RALGAPA1: variants seen among roughly 807,000 people sequenced by gnomAD.
RALGAPA1 encodes Ral GTPase activating protein catalytic subunit alpha 1.
In RALGAPA1, 52 loss-of-function variants were observed where a neutral mutation model predicts 269.6. The observed-to-expected ratio is 0.19, with a 90% CI of 0.15 to 0.24. RALGAPA1 has a LOEUF of 0.24. Ranked by LOEUF, RALGAPA1 falls within the 10% of genes least tolerant of loss-of-function variation. The probability of loss-of-function intolerance (pLI) is 1.00; values close to 1 mark genes in which losing one functional copy is unlikely to be tolerated. For missense variants in RALGAPA1, 1,917 were observed against 3,013.9 expected (o/e 0.64, Z 8.52); for synonymous variants, 817 against 1,008.3 (o/e 0.81, Z 3.60).
chr14:35,682,926 C>G (rs181685766), intron 21 of RALGAPA1, among the ~76,000 whole-genome samples: 159 of 152,260 alleles, frequency 1.0e-3, no homozygotes, highest in African/African-American at 3.6e-3. Context: ...GAATGGATTT[C>G]TAACTTTTAG....
chr14:35,727,970 G>A (rs1487257837), intron 13 of RALGAPA1, among the ~76,000 whole-genome samples: 3 of 152,114 alleles, frequency 2.0e-5, no homozygotes, highest in Non-Finnish European at 2.9e-5. Flanking sequence ...AGGGCCTGAC[G>A]GTATACAGCT....
chr14:35,762,726 G>A lies in RALGAPA1; in HGVS notation c.353C>T (p.Thr118Ile), dbSNP rs1481432502. The change falls in exon 5 of 42, where the codon ACA (threonine) becomes ATA (isoleucine). Residue 118 changes from threonine (T) to isoleucine (I), a missense_variant. Physicochemically the swap from Thr to Ile is moderately conservative, Grantham distance 89. Coordinates refer to ENST00000680220, the MANE Select transcript of RALGAPA1 (RefSeq NM_001346249.2). ...IGLILKKLLHTGNSLKIRREG... is the reference protein window; with the variant it reads ...IGLILKKLLHIGNSLKIRREG... ...TAGTTGTACCTTTAAGGAGTTTCCT[G>A]TGTGAAGTAGCTTCTTTAAAATCAA... 3 of 1,517,974 alleles carry A rather than the reference G, an allele frequency of 2.0e-6. No homozygotes were observed. Among genetic ancestry groups the A allele is most frequent in the Non-Finnish European group, 2.7e-6 (3 of 1,092,834 alleles). 94.0% of individuals were successfully genotyped at this position (1,517,974 alleles called of 1,614,324 possible).
intron 13 of RALGAPA1, 149 bp downstream of exon 13, chr14:35,728,213 C>G: frequency 1.3e-6 from 1 of 762,636 alleles, no homozygotes. Flanking sequence ...GGAACTATTG[C>G]CACTATGATT....
At chr14:35,702,899 CAGGCTAATTTT>C (rs2067487839) in intron 16 of RALGAPA1, among the ~76,000 whole-genome samples, 2 of 151,760 alleles carry the variant, frequency 1.3e-5, no homozygotes, top group African/African-American at 4.8e-5. Flanking sequence ...GCTACCACGC[CAGGCTAATTTT>C]TGTATTTTTA....
At chr14:35,595,236 C>T (rs902963887) in intron 37 of RALGAPA1, among the ~76,000 whole-genome samples, 5 of 151,712 alleles carry the variant, frequency 3.3e-5, no homozygotes, top group African/African-American at 1.2e-4. Context: ...ATTTAACGCA[C>T]AATAAAAATT....
chr14:35,591,869 T>TG (rs1483140106), intron 37 of RALGAPA1, among the ~76,000 whole-genome samples: 1 of 152,206 alleles, frequency 6.6e-6, no homozygotes, highest in Non-Finnish European at 1.5e-5. Flanking sequence ...TCACCTGTAC[T>TG]GTTCTTGTGA....
chr14:35,611,538 C>T (rs970157044), intron 35 of RALGAPA1, among the ~76,000 whole-genome samples: 15 of 151,120 alleles, frequency 9.9e-5, no homozygotes, highest in Admixed American at 8.6e-4. Context: ...AAACACCCAG[C>T]CTGGGCAACA....
chr14:35,699,211 AGCACAGTAT>A (rs2067139882), intron 17 of RALGAPA1, among the ~76,000 whole-genome samples: 1 of 152,228 alleles, frequency 6.6e-6, no homozygotes, highest in Admixed American at 6.5e-5. Context: ...TCTTTGAGCT[AGCACAGTAT>A]GCACAATCAT....
chr14:35,708,729 C>G (rs2068028539), intron 16 of RALGAPA1, among the ~76,000 whole-genome samples: 1 of 152,306 alleles, frequency 6.6e-6, no homozygotes, highest in South Asian at 2.1e-4. Context: ...ACCAATCCAG[C>G]AATCCCACTC....
intron 31 of RALGAPA1, among the ~76,000 whole-genome samples, chr14:35,645,534 T>A (rs1283250728): frequency 6.6e-6 from 1 of 151,834 alleles, no homozygotes; most frequent in East Asian, 1.9e-4. Context: ...ATCGAGACCA[T>A]CCTGGCTAAC....
Position 35,618,339 on chromosome 14 carries a change from T to C in RALGAPA1, c.6929+7022A>G, listed in dbSNP as rs368417821. On this transcript the variant is annotated intron_variant, in intron 35 of 41. Transcript: ENST00000680220. ...TATTAGCAGTCTAGTGATATTAAAATACAATATACACCAATTAGTTAAAAA... is the reference window on the plus strand; with the variant it reads ...TATTAGCAGTCTAGTGATATTAAAACACAATATACACCAATTAGTTAAAAA... Among the ~76,000 whole-genome samples, 3 of 152,244 alleles carry C rather than the reference T, an allele frequency of 2.0e-5. No individual in the cohort carries two copies. The East Asian group carries it at 5.8e-4, about 29-fold the overall frequency.
At chr14:35,693,519 C>T (rs549108826) in intron 17 of RALGAPA1, among the ~76,000 whole-genome samples, 21 of 151,894 alleles carry the variant, frequency 1.4e-4, no homozygotes, top group Non-Finnish European at 2.7e-4. Flanking sequence ...CCAACTGTGT[C>T]CTCTTACTCT....
intron 29 of RALGAPA1, 140 bp from the exon 30 acceptor site, chr14:35,654,617 C>A: frequency 9.5e-7 from 1 of 1,051,346 alleles, no homozygotes. Flanking sequence ...AAATCTCTAG[C>A]TGCAAAATAA....
At chr14:35,625,574 TA>T in intron 34 of RALGAPA1, 142 bp from the exon 35 acceptor site, 123 of 502,564 alleles carry the variant, frequency 2.4e-4, no homozygotes, top group East Asian at 3.2e-4. Flanking sequence ...GAACAGACCC[TA>T]AAAAAAATGT....
chr14:35,718,142 T>C (rs2069014921), intron 16 of RALGAPA1, among the ~76,000 whole-genome samples: 1 of 152,208 alleles, frequency 6.6e-6, no homozygotes, highest in Non-Finnish European at 1.5e-5. Context: ...TTGACTTTTC[T>C]TCATACCTTT....
At chr14:35,613,685 T>C (rs560537212) in intron 35 of RALGAPA1, among the ~76,000 whole-genome samples, 1 of 152,296 alleles carries the variant, frequency 6.6e-6, no homozygotes, top group East Asian at 1.9e-4. Context: ...TTCCCGTGTA[T>C]GCAGAAGTGT....
chr14:35,759,052 G>A (rs1173987172), intron 6 of RALGAPA1, among the ~76,000 whole-genome samples: 1 of 152,164 alleles, frequency 6.6e-6, no homozygotes, highest in Non-Finnish European at 1.5e-5. Context: ...CTGATCATGG[G>A]ACTGCGCTAC....
chr14:35,638,012 C>G (rs1454874024), intron 31 of RALGAPA1, among the ~76,000 whole-genome samples: 13 of 152,088 alleles, frequency 8.5e-5, no homozygotes, highest in African/African-American at 3.1e-4. Flanking sequence ...CTTTCCCAGA[C>G]AAACAAAAGC....
chr14:35,699,936 T>C (rs1040051384), intron 17 of RALGAPA1, among the ~76,000 whole-genome samples: 2 of 133,376 alleles, frequency 1.5e-5, no homozygotes, highest in South Asian at 4.9e-4. Flanking sequence ...CAACAAAAAA[T>C]ACTGGACATT....
Sources: gnomAD v4.1 joint callset for allele counts (sites outside exome capture counted in the v4.1 genomes callset) on GRCh38, gnomAD v4.1.1 for gene constraint, MANE v1.5 for transcripts, NCBI Gene and HGNC (gene_info 2026-07-23, HGNC 2026-07-21) for gene names.